The following PXDNL variants were observed in gnomAD, a reference collection of about 807,000 sequenced individuals.
PXDNL encodes peroxidasin like.
PXDNL carries 145 observed loss-of-function variants against 150.8 expected under a neutral mutation model. The observed-to-expected ratio is 0.96, with a 90% confidence interval of 0.84 to 1.10. The LOEUF (loss-of-function observed/expected upper bound fraction) is 1.10, where lower values mean the gene tolerates loss of function less well. Among genes scored for constraint, PXDNL ranks in the 50% least tolerant of loss-of-function variants. PXDNL has a pLI of 0.00. For missense variants in PXDNL, 2,087 were observed against 1,873.9 expected (o/e 1.11, Z -2.10); for synonymous variants, 757 against 725.7 (o/e 1.04, Z -0.69).
At chr8:51,734,899 G>A (rs1023165564) in intron 1 of PXDNL, among the ~76,000 whole-genome samples, 2 of 152,114 alleles carry the variant, frequency 1.3e-5, no homozygotes, top group East Asian at 1.9e-4. Flanking sequence ...AACATAATAG[G>A]GTTGGAGAGA....
At chr8:51,551,189 A>G (rs1812474021) in intron 4 of PXDNL, among the ~76,000 whole-genome samples, 1 of 152,214 alleles carries the variant, frequency 6.6e-6, no homozygotes, top group Non-Finnish European at 1.5e-5. Flanking sequence ...TGACACAAAC[A>G]AATGGAAACA....
At chr8:51,699,239 C>A (rs1283899908) in intron 1 of PXDNL, among the ~76,000 whole-genome samples, 1 of 152,198 alleles carries the variant, frequency 6.6e-6, no homozygotes, top group Non-Finnish European at 1.5e-5. Flanking sequence ...CAGTAGAAAT[C>A]TGGAACCACC....
At chr8:51,766,000 T>C (rs1388244494) in intron 1 of PXDNL, among the ~76,000 whole-genome samples, 1 of 152,044 alleles carries the variant, frequency 6.6e-6, no homozygotes, top group Non-Finnish European at 1.5e-5. Flanking sequence ...CCCGCCACCA[T>C]GCCCGCCTAA....
chr8:51,677,734 C>T (rs1815655114), intron 1 of PXDNL, among the ~76,000 whole-genome samples: 1 of 152,206 alleles, frequency 6.6e-6, no homozygotes, highest in Non-Finnish European at 1.5e-5. Flanking sequence ...ACATATACTA[C>T]TTCATATAAA....
chr8:51,658,983 T>C (rs1366828075), intron 1 of PXDNL, among the ~76,000 whole-genome samples: 1 of 86,836 alleles, frequency 1.2e-5, no homozygotes, highest in Admixed American at 1.2e-4. Flanking sequence ...TGTCTCCTTG[T>C]ACACTTGAAA....
chr8:51,809,003 C>T (rs1390348426), intron 1 of PXDNL, among the ~76,000 whole-genome samples, 178 bp downstream of exon 1: 1 of 152,154 alleles, frequency 6.6e-6, no homozygotes, highest in Non-Finnish European at 1.5e-5. Flanking sequence ...CTCATCATTG[C>T]TTACATTTTC....
intron 2 of PXDNL, among the ~76,000 whole-genome samples, chr8:51,626,416 G>A (rs1335162448): frequency 6.6e-6 from 1 of 152,166 alleles, no homozygotes; most frequent in African/African-American, 2.4e-5. Context: ...AATGGCAACA[G>A]CTGTCACTTA....
intron 6 of PXDNL, among the ~76,000 whole-genome samples, chr8:51,479,104 T>G (rs1810545322): frequency 1.3e-5 from 2 of 152,120 alleles, no homozygotes; most frequent in Non-Finnish European, 2.9e-5. Context: ...GTTCCAGCAA[T>G]TGAGTGAATG....
Position 51,787,324 on chromosome 8 carries a change from T to C in PXDNL, c.164+21857A>G, listed in dbSNP as rs1224898472. 3.3e-5 allele frequency among the ~76,000 whole-genome samples: 5 copies of C among 152,224 alleles called. No individual in the cohort carries two copies. In the East Asian group the frequency reaches 9.6e-4, roughly 29 times the overall value. On this transcript the variant is annotated intron_variant, in intron 1 of 22. Coordinates refer to ENST00000356297, the MANE Select transcript of PXDNL (RefSeq NM_144651.5). ...GGCTACAGCTGCCATAGATAGTGAA[T>C]CCTCTGATAGATCTAGACAAAGTAC...
At chr8:51,613,478 A>AG (rs1294204488) in intron 2 of PXDNL, among the ~76,000 whole-genome samples, 2 of 15,150 alleles carry the variant, frequency 1.3e-4, no homozygotes, top group African/African-American at 4.7e-4. Flanking sequence ...TCACAGCTTA[A>AG]GGGGGCGGGG....
At chr8:51,422,058 C>A (rs1280823310) in intron 14 of PXDNL, among the ~76,000 whole-genome samples, 2 of 152,042 alleles carry the variant, frequency 1.3e-5, no homozygotes, top group East Asian at 3.9e-4. Flanking sequence ...GGAGCACAAA[C>A]CCTATTGTGA....
intron 2 of PXDNL, among the ~76,000 whole-genome samples, chr8:51,625,399 T>C (rs1450661967): frequency 6.6e-5 from 10 of 152,110 alleles, no homozygotes; most frequent in Admixed American, 5.2e-4. Flanking sequence ...TATTAGTAAA[T>C]AGAATAATCC....
intron 1 of PXDNL, among the ~76,000 whole-genome samples, chr8:51,802,162 A>G (rs996011081): frequency 6.6e-6 from 1 of 151,280 alleles, no homozygotes; most frequent in Admixed American, 6.6e-5. Context: ...AGCTGGAGTC[A>G]TGTTCAAGGT....
chr8:51,529,438 A>G (rs997554577), intron 4 of PXDNL, among the ~76,000 whole-genome samples: 6 of 152,276 alleles, frequency 3.9e-5, no homozygotes, highest in Non-Finnish European at 8.8e-5. Context: ...AAGACCTAAA[A>G]GTATTGCTTG....
intron 2 of PXDNL, among the ~76,000 whole-genome samples, chr8:51,596,302 A>G (rs974918440): frequency 1.3e-5 from 2 of 152,212 alleles, no homozygotes; most frequent in Admixed American, 1.3e-4. Context: ...TCTACCACTG[A>G]TGAACACCTG....
At chr8:51,719,466 A>G (rs1314307887) in intron 1 of PXDNL, among the ~76,000 whole-genome samples, 1 of 151,834 alleles carries the variant, frequency 6.6e-6, no homozygotes, top group Non-Finnish European at 1.5e-5. Context: ...AGTCATCACC[A>G]CTCCCTAATC....
intron 1 of PXDNL, among the ~76,000 whole-genome samples, chr8:51,786,356 C>T (rs2037460746): frequency 6.6e-6 from 1 of 152,088 alleles, no homozygotes; most frequent in East Asian, 1.9e-4. Flanking sequence ...CTACAGGCGC[C>T]CGCCACCACC....
At position 51,472,260 on chromosome 8, in the gene PXDNL, A is replaced by C; in HGVS notation, c.739T>G (p.Ser247Ala). The change falls in exon 8 of 23, where the codon TCA (serine) becomes GCA (alanine). Residue 247 changes from serine (S) to alanine (A), a missense_variant. Physicochemically the swap from Ser to Ala is moderately conservative, Grantham distance 99. Transcript: ENST00000356297. ...CAGGTGAAGTAGACGGTATTTCCTGATGGTACCTCCACATCCTGCGGCTCA... is the reference window on the plus strand; with the variant it reads ...CAGGTGAAGTAGACGGTATTTCCTGCTGGTACCTCCACATCCTGCGGCTCA... The part of the protein sequence containing the change: ...TFEPQDVEVP[S>A]GNTVYFTCRA... The C allele has an allele frequency of 6.2e-7, 1 of 1,613,536 alleles. No individual in the cohort carries two copies. The highest frequency in any genetic ancestry group is 8.5e-7 in the Non-Finnish European group (1 of 1,179,596).
chr8:51,339,221 A>G (rs1015007668), intron 21 of PXDNL, among the ~76,000 whole-genome samples: 1 of 152,186 alleles, frequency 6.6e-6, no homozygotes, highest in African/African-American at 2.4e-5. Context: ...GCACTTTGGG[A>G]GGCCAAGGAG....
Sources: allele counts gnomAD v4.1 joint callset (sites outside exome capture counted in the v4.1 genomes callset), GRCh38; gene constraint gnomAD v4.1.1; transcripts MANE v1.5; gene names NCBI Gene and HGNC (gene_info 2026-07-23, HGNC 2026-07-21).